The following RREB1 variants were observed in gnomAD, a reference collection of about 807,000 sequenced individuals.
RREB1 encodes the protein ras-responsive element-binding protein 1.
RREB1 carries 27 observed loss-of-function variants against 117.8 expected under a neutral mutation model. The ratio of observed to expected loss-of-function variants is 0.23; its 90% CI spans 0.17 to 0.32. The LOEUF is 0.32. Ranked by LOEUF, RREB1 falls within the 10% of genes least tolerant of loss-of-function variation. The pLI is 1.00. For synonymous variants in RREB1, 1,298 were observed against 1,026.7 expected (o/e 1.26, Z -5.05); for missense variants, 2,577 against 2,378.2 (o/e 1.08, Z -1.74).
At chr6:7,153,335 G>GA (rs1474222786) in intron 1 of RREB1, among the ~76,000 whole-genome samples, 2 of 151,378 alleles carry the variant, frequency 1.3e-5, no homozygotes, top group African/African-American at 4.9e-5. Flanking sequence ...GTCCACACGT[G>GA]ATTACATAAA....
rs1396666643 is a variant in RREB1, at chr6:7,246,971, G to A, written c.4521G>A (p.Val1507=). The change falls in exon 12 of 13, where the codon GTG becomes GTA. Residue 1507 remains valine, a synonymous_variant. Coordinates refer to ENST00000379938, the MANE Select transcript of RREB1 (RefSeq NM_001003699.4). ...AGCCCCCCGAGACCCCGGCAGAGGT[G>A]GTGGAGTCGGCCCCGGGTGCCGGGG... The part of the protein sequence containing the change: ...EEKPPETPAE[V]VESAPGAGEA... 2 of 1,577,324 alleles carry A rather than the reference G, an allele frequency of 1.3e-6. No individual in the cohort carries two copies. Among genetic ancestry groups the A allele is most frequent in the Non-Finnish European group, 1.7e-6 (2 of 1,162,624 alleles).
At chr6:7,231,937 G>A in intron 10 of RREB1, 30 bp downstream of exon 10, 1 of 1,553,898 alleles carries the variant, frequency 6.4e-7, no homozygotes, top group Non-Finnish European at 8.7e-7. Flanking sequence ...CCCAGGCAGT[G>A]AGTCCTACTT....
intron 6 of RREB1, among the ~76,000 whole-genome samples, chr6:7,201,510 C>G (rs1317497245): frequency 1.4e-5 from 2 of 144,398 alleles, no homozygotes; most frequent in Non-Finnish European, 3.0e-5. Context: ...CCCCCCAACC[C>G]CCATCCCACC....
chr6:7,161,087 T>C (rs535914826), intron 1 of RREB1, among the ~76,000 whole-genome samples: 1 of 152,226 alleles, frequency 6.6e-6, no homozygotes, highest in East Asian at 1.9e-4. Flanking sequence ...CGCCTCGGCC[T>C]TGCAAAGTGC....
intron 6 of RREB1, among the ~76,000 whole-genome samples, chr6:7,195,506 A>T (rs1765621212): frequency 6.6e-6 from 1 of 152,190 alleles, no homozygotes; most frequent in Non-Finnish European, 1.5e-5. Context: ...GTGTTACGTT[A>T]ATCAGGGGCC....
chr6:7,158,133 A>G lies in RREB1; in HGVS notation c.-284-18522A>G, dbSNP rs529545535. On this transcript the variant is annotated intron_variant, in intron 1 of 12. Coordinates refer to ENST00000379938, the MANE Select transcript of RREB1 (RefSeq NM_001003699.4). ...TCTTCACATTCAAGAATCTCTGCAA[A>G]AGAATGTAGCCTAACCCCCCTAACA... is the stretch of plus-strand genomic sequence containing the variant. 7.2e-5 allele frequency among the ~76,000 whole-genome samples: 11 copies of G among 152,158 alleles called. No individual in the cohort carries two copies. In the East Asian group the frequency reaches 9.7e-4, roughly 13 times the overall value.
At chr6:7,209,771 T>C (rs1330932189) in intron 6 of RREB1, among the ~76,000 whole-genome samples, 1 of 152,182 alleles carries the variant, frequency 6.6e-6, no homozygotes, top group East Asian at 1.9e-4. Flanking sequence ...AGAACTTCTT[T>C]TCAGAAGGTT....
At chr6:7,192,279 G>A (rs1056015312) in intron 6 of RREB1, among the ~76,000 whole-genome samples, 2 of 151,512 alleles carry the variant, frequency 1.3e-5, no homozygotes, top group Non-Finnish European at 2.9e-5. Context: ...GGCAACCTGC[G>A]CCTCCCGGTT....
intron 1 of RREB1, among the ~76,000 whole-genome samples, chr6:7,146,179 T>C (rs565909102): frequency 6.6e-6 from 1 of 152,206 alleles, no homozygotes; most frequent in Admixed American, 6.5e-5. Flanking sequence ...AATAAAACAC[T>C]TTGTGGAGCC....
chr6:7,187,961 G>C (rs1765172390), intron 5 of RREB1, among the ~76,000 whole-genome samples: 1 of 151,998 alleles, frequency 6.6e-6, no homozygotes, highest in Non-Finnish European at 1.5e-5. Flanking sequence ...TTGGAGACCA[G>C]CCTGGCCAAC....
At chr6:7,209,572 CTTTTT>C in intron 6 of RREB1, among the ~76,000 whole-genome samples, 1 of 129,324 alleles carries the variant, frequency 7.7e-6, no homozygotes, top group Admixed American at 7.7e-5. Context: ...TATTTCTTTC[CTTTTT>C]TTTTTTTTTT....
intron 1 of RREB1, among the ~76,000 whole-genome samples, chr6:7,167,610 C>T (rs779821059): frequency 1.5e-4 from 23 of 152,174 alleles, no homozygotes; most frequent in Non-Finnish European, 2.6e-4. Context: ...CCGCCTCAGG[C>T]GTGAGCCACC....
In RREB1 at chr6:7,229,950, G is replaced by A. The variant is rs746241965; in HGVS notation, c.1851G>A (p.Glu617=). Residue 617 remains glutamate, a synonymous_variant, in exon 10 of 13, where the codon GAG becomes GAA. Coordinates refer to ENST00000379938, the MANE Select transcript of RREB1 (RefSeq NM_001003699.4). This position sits in a 1 kb window ranked among gnomAD's most constrained non-coding sequence, Gnocchi z 4.5. The part of the protein sequence containing the change: ...PLSMEAKIKQ[E]ITEGELKAFM... ...GCATGGAGGCCAAGATCAAGCAGGA[G>A]ATCACAGAGGGGGAACTCAAGGCCT... 1.9e-6 allele frequency: 3 copies of A among 1,601,524 alleles called. No individual in the cohort carries two copies. The South Asian group carries it at 3.3e-5, about 18-fold the overall frequency.
At chr6:7,219,762 G>A (rs1022369712) in intron 8 of RREB1, among the ~76,000 whole-genome samples, 14 of 152,108 alleles carry the variant, frequency 9.2e-5, no homozygotes, top group Non-Finnish European at 1.9e-4. Context: ...CGTGGTTCCC[G>A]GCCCCTGGTG....
At chr6:7,209,126 T>G (rs1486181587) in intron 6 of RREB1, among the ~76,000 whole-genome samples, 1 of 152,234 alleles carries the variant, frequency 6.6e-6, no homozygotes, top group Non-Finnish European at 1.5e-5. Context: ...AATTACCATT[T>G]TGTATTTCTA....
At chr6:7,211,733 C>G (rs756896665) in intron 8 of RREB1, 24 bp downstream of exon 8, 6 of 1,612,150 alleles carry the variant, frequency 3.7e-6, no homozygotes, top group Non-Finnish European at 5.1e-6. Context: ...TGAACTAGAC[C>G]TTGTTCATTC....
At chr6:7,119,071 G>T (rs999710329) in intron 1 of RREB1, among the ~76,000 whole-genome samples, 5 of 152,006 alleles carry the variant, frequency 3.3e-5, no homozygotes, top group Admixed American at 3.3e-4. Context: ...AAAGATAGTT[G>T]AAAGCCTCGT....
chr6:7,147,941 C>T (rs1256663561), intron 1 of RREB1, among the ~76,000 whole-genome samples: 1 of 152,054 alleles, frequency 6.6e-6, no homozygotes, highest in African/African-American at 2.4e-5. Context: ...CAGTAAGACA[C>T]TGGACACTGC....
intron 10 of RREB1, among the ~76,000 whole-genome samples, chr6:7,234,790 T>G (rs1319969808): frequency 6.6e-6 from 1 of 152,210 alleles, no homozygotes; most frequent in East Asian, 1.9e-4. Flanking sequence ...AGGAGCTAAG[T>G]AACTTGCCTA....
Sources: gnomAD v4.1 joint callset for allele counts (sites outside exome capture counted in the v4.1 genomes callset) on GRCh38, gnomAD v4.1.1 for gene constraint, Gnocchi (gnomAD v3.1) non-coding constraint, MANE v1.5 for transcripts, NCBI Gene and HGNC (gene_info 2026-07-23, HGNC 2026-07-21) for gene names.